Variants in LHFPL6 observed in about 807,000 individuals in gnomAD.
The protein encoded by LHFPL6 is LHFPL tetraspan subfamily member 6, also known as LHFPL tetraspan subfamily member 6 protein.
LHFPL6 carries 9 observed loss-of-function variants against 20.6 expected under a neutral mutation model. The observed-to-expected ratio is 0.44, with a 90% CI of 0.26 to 0.76. The LOEUF (loss-of-function observed/expected upper bound fraction) is 0.76, where lower values mean the gene tolerates loss of function less well. Among genes scored for constraint, LHFPL6 ranks in the 30% least tolerant of loss-of-function variants. The probability of loss-of-function intolerance (pLI) is 0.20; values close to 1 mark genes in which losing one functional copy is unlikely to be tolerated. For synonymous variants in LHFPL6, 105 were observed against 98.7 expected (o/e 1.06, Z -0.38); for missense variants, 218 against 253.5 (o/e 0.86, Z 0.95).
At chr13:39,466,172 A>T (rs1387391572) in intron 2 of LHFPL6, among the ~76,000 whole-genome samples, 1 of 152,194 alleles carries the variant, frequency 6.6e-6, no homozygotes, top group South Asian at 2.1e-4. Context: ...AGTAAATCTT[A>T]AAAACGTTCA....
chr13:39,484,268 G>A (rs1443183879), intron 2 of LHFPL6, among the ~76,000 whole-genome samples: 1 of 152,072 alleles, frequency 6.6e-6, no homozygotes, highest in Non-Finnish European at 1.5e-5. Context: ...ACCCTAAAAT[G>A]TGTTCCTCTC....
At chr13:39,549,112 C>T (rs912740713) in intron 2 of LHFPL6, among the ~76,000 whole-genome samples, 1 of 152,012 alleles carries the variant, frequency 6.6e-6, no homozygotes, top group Non-Finnish European at 1.5e-5. Flanking sequence ...TGAAGAGATG[C>T]TTCATCAAAG....
At chr13:39,394,707 C>T (rs1483764284) in intron 2 of LHFPL6, among the ~76,000 whole-genome samples, 1 of 152,120 alleles carries the variant, frequency 6.6e-6, no homozygotes, top group East Asian at 1.9e-4. Flanking sequence ...TTGGGTTTAT[C>T]TCGTGGCTTC....
rs531599473 is a variant in LHFPL6 at position 39,349,007 on chromosome 13, G to A, written c.485-4953C>T. On this transcript the variant is annotated intron_variant, in intron 3 of 3. Coordinates refer to ENST00000379589, the MANE Select transcript of LHFPL6 (RefSeq NM_005780.3). Reference sequence around the variant, plus strand: ...TGTAACATAATAGCAGAAAATGTTTGAGGATATAAGAAAATATGGCCACCA... The same window carrying A: ...TGTAACATAATAGCAGAAAATGTTTAAGGATATAAGAAAATATGGCCACCA... 2.2e-3 allele frequency among the ~76,000 whole-genome samples: 332 copies of A among 152,256 alleles called. 1 individual carries two copies. Among genetic ancestry groups the A allele is most frequent in the African/African-American group, 7.6e-3 (314 of 41,556 alleles).
chr13:39,367,351 CCT>C (rs1427005688), intron 3 of LHFPL6, among the ~76,000 whole-genome samples: 13 of 151,850 alleles, frequency 8.6e-5, no homozygotes, highest in Admixed American at 8.5e-4. Flanking sequence ...ACATGTATCC[CCT>C]GAATCTAAAA....
intron 2 of LHFPL6, among the ~76,000 whole-genome samples, chr13:39,398,300 T>C (rs1362589047): frequency 6.6e-6 from 1 of 152,218 alleles, no homozygotes; most frequent in Non-Finnish European, 1.5e-5. Context: ...ACATGAAGAT[T>C]TAAGAAAGAA....
intron 2 of LHFPL6, among the ~76,000 whole-genome samples, chr13:39,533,914 G>C (rs1870540862): frequency 6.6e-6 from 1 of 152,110 alleles, no homozygotes; most frequent in African/African-American, 2.4e-5. Flanking sequence ...AGTAATTTTA[G>C]GGTAGAACAT....
intron 2 of LHFPL6, among the ~76,000 whole-genome samples, chr13:39,473,783 T>C (rs572198422): frequency 2.6e-5 from 4 of 152,342 alleles, no homozygotes; most frequent in Admixed American, 2.6e-4. Flanking sequence ...CTTGAAGTGC[T>C]GGCAAAGAGC....
intron 2 of LHFPL6, among the ~76,000 whole-genome samples, chr13:39,482,666 T>C (rs1307418772): frequency 2.0e-5 from 3 of 152,092 alleles, no homozygotes; most frequent in African/African-American, 7.2e-5. Flanking sequence ...AAAACTGAGG[T>C]CATAGGTAAC....
intron 2 of LHFPL6, among the ~76,000 whole-genome samples, chr13:39,556,109 G>A (rs538883165): frequency 1.2e-4 from 18 of 152,268 alleles, no homozygotes; most frequent in South Asian, 4.2e-4. Flanking sequence ...AGATGTCAGC[G>A]CCATGTTTCC....
At chr13:39,519,841 AG>A (rs1870049927) in intron 2 of LHFPL6, among the ~76,000 whole-genome samples, 1 of 151,056 alleles carries the variant, frequency 6.6e-6, no homozygotes, top group African/African-American at 2.4e-5. Context: ...TTACTAACCA[AG>A]GGGGGAAAAA....
At chr13:39,516,352 C>A (rs1281369956) in intron 2 of LHFPL6, among the ~76,000 whole-genome samples, 1 of 152,266 alleles carries the variant, frequency 6.6e-6, no homozygotes, top group African/African-American at 2.4e-5. Flanking sequence ...TATCATTCCA[C>A]TCCGCTCAAG....
At chr13:39,574,928 G>A (rs1872063013) in intron 2 of LHFPL6, among the ~76,000 whole-genome samples, 1 of 152,128 alleles carries the variant, frequency 6.6e-6, no homozygotes, top group Non-Finnish European at 1.5e-5. Context: ...AAAATCAGCT[G>A]GGTGTGGTGG....
chr13:39,527,007 G>A (rs1206961488), intron 2 of LHFPL6, among the ~76,000 whole-genome samples: 2 of 152,134 alleles, frequency 1.3e-5, no homozygotes, highest in African/African-American at 2.4e-5. Flanking sequence ...TCAAAAATCT[G>A]TTAAATGGTA....
intron 2 of LHFPL6, among the ~76,000 whole-genome samples, chr13:39,527,475 C>T (rs939256725): frequency 6.7e-6 from 1 of 149,680 alleles, no homozygotes; most frequent in African/African-American, 2.5e-5. Context: ...CATCTTTGAA[C>T]AACCGACAAC....
intron 2 of LHFPL6, among the ~76,000 whole-genome samples, chr13:39,406,719 A>G (rs1381411804): frequency 1.3e-5 from 2 of 152,238 alleles, no homozygotes; most frequent in African/African-American, 4.8e-5. Flanking sequence ...TTAAAATGCC[A>G]TATACATCCA....
At chr13:39,473,696 T>C (rs1274947239) in intron 2 of LHFPL6, among the ~76,000 whole-genome samples, 5 of 152,222 alleles carry the variant, frequency 3.3e-5, no homozygotes, top group Non-Finnish European at 7.3e-5. Context: ...TATGTGAATC[T>C]GCCACAAATA....
intron 3 of LHFPL6, among the ~76,000 whole-genome samples, chr13:39,367,170 T>C (rs1380231491): frequency 6.6e-6 from 1 of 152,144 alleles, no homozygotes; most frequent in African/African-American, 2.4e-5. Flanking sequence ...GTGCATGGCA[T>C]GGATATAAAC....
chr13:39,413,679 G>A (rs1045356460), intron 2 of LHFPL6, among the ~76,000 whole-genome samples: 6 of 151,352 alleles, frequency 4.0e-5, no homozygotes, highest in African/African-American at 1.5e-4. Flanking sequence ...ATTTGCACAA[G>A]TGTATTAAAC....
Sources: gnomAD v4.1 joint callset for allele counts (sites outside exome capture counted in the v4.1 genomes callset) on GRCh38, gnomAD v4.1.1 for gene constraint, MANE v1.5 for transcripts, NCBI Gene and HGNC (gene_info 2026-07-23, HGNC 2026-07-21) for gene names.